ZMYM2: variants seen among roughly 807,000 people sequenced by gnomAD.
ZMYM2 encodes the protein zinc finger MYM-type containing 2, also known as zinc finger MYM-type protein 2.
Under a neutral mutation model 162.8 loss-of-function variants are expected in ZMYM2, and 56 were observed. The ratio of observed to expected loss-of-function variants is 0.34; its 90% CI spans 0.28 to 0.43. The LOEUF (loss-of-function observed/expected upper bound fraction) is 0.43. Ranked by LOEUF, ZMYM2 falls within the 20% of genes least tolerant of loss-of-function variation. The pLI is 1.00. For missense variants in ZMYM2, 1,275 were observed against 1,621.8 expected (o/e 0.79, Z 3.67); for synonymous variants, 510 against 541.6 (o/e 0.94, Z 0.81).
chr13:20,020,871 T>C (rs1224864674), intron 7 of ZMYM2, among the ~76,000 whole-genome samples: 1 of 152,154 alleles, frequency 6.6e-6, no homozygotes. Context: ...CATTTGTCTC[T>C]TTTGTATCTT....
chr13:20,080,992 G>C (rs985345158), intron 21 of ZMYM2, among the ~76,000 whole-genome samples: 3 of 152,240 alleles, frequency 2.0e-5, no homozygotes, highest in Non-Finnish European at 4.4e-5. Context: ...GCATGGGCCA[G>C]ATATGGCTCC....
At chr13:19,978,269 A>G (rs1956967649) in intron 2 of ZMYM2, among the ~76,000 whole-genome samples, 1 of 152,228 alleles carries the variant, frequency 6.6e-6, no homozygotes. Context: ...GACTAAATTT[A>G]TAATAACATA....
At chr13:20,001,160 G>A (rs1387595767) in intron 3 of ZMYM2, among the ~76,000 whole-genome samples, 1 of 152,184 alleles carries the variant, frequency 6.6e-6, no homozygotes, top group East Asian at 1.9e-4. Context: ...GGGTGACTGA[G>A]GCAAATGGAT....
chr13:19,950,400 A>G, the ZMYM2 span, among the ~76,000 whole-genome samples: 1 of 152,232 alleles, frequency 6.6e-6, no homozygotes, highest in Non-Finnish European at 1.5e-5. Context: ...AGTTTGGCCT[A>G]AAAGTTTCCC....
intron 13 of ZMYM2, among the ~76,000 whole-genome samples, chr13:20,051,855 A>G (rs1323559): frequency 0.1 from 15,412 of 152,172 alleles, 1,284 homozygotes; most frequent in African/African-American, 0.22. Flanking sequence ...AAACAGTGCT[A>G]TAACACAAAT....
chr13:19,882,026 T>C, the ZMYM2 span, among the ~76,000 whole-genome samples: 2 of 150,578 alleles, frequency 1.3e-5, no homozygotes, highest in South Asian at 4.2e-4. Context: ...ACCAAAATTA[T>C]ATATACAAAA....
chr13:19,993,678 A>G lies in ZMYM2; in HGVS notation c.606A>G (p.Leu202=). The part of the protein sequence containing the change: ...TGVSSVNDGQ[L]ENTDGRDMNL... ...TAAGCTCTGTGAATGATGGCCAATT[A>G]GAAAATACTGACGGGCGAGATATGA... Residue 202 remains leucine, a synonymous_variant, in exon 3 of 25, where the codon TTA becomes TTG. Transcript: ENST00000610343. 6.2e-7 allele frequency: 1 copy of G among 1,614,052 alleles called. No homozygotes were observed. Among genetic ancestry groups the G allele is most frequent in the Non-Finnish European group, 8.5e-7 (1 of 1,179,900 alleles).
the ZMYM2 span, among the ~76,000 whole-genome samples, chr13:19,905,984 T>A: frequency 4.8e-4 from 72 of 151,558 alleles, 1 homozygote; most frequent in African/African-American, 1.5e-3. Flanking sequence ...TTTTTTAATA[T>A]AAAATAAATG....
the ZMYM2 span, among the ~76,000 whole-genome samples, chr13:19,870,918 C>T: frequency 4.6e-5 from 7 of 152,082 alleles, no homozygotes; most frequent in African/African-American, 1.7e-4. Context: ...TGAACCACTG[C>T]GCCTGGCCTT....
chr13:19,935,805 CAAAT>C, the ZMYM2 span, among the ~76,000 whole-genome samples: 1 of 152,042 alleles, frequency 6.6e-6, no homozygotes, highest in African/African-American at 2.4e-5. Context: ...GAAGGGTTAT[CAAAT>C]AAGCCACAAG....
chr13:19,941,328 A>C, the ZMYM2 span, among the ~76,000 whole-genome samples: 5,312 of 151,948 alleles, frequency 0.035, 307 homozygotes, highest in African/African-American at 0.12. Flanking sequence ...AAAACAAAAA[A>C]AAAAAAGAAA....
intron 21 of ZMYM2, 31 bp downstream of exon 21, chr13:20,067,421 A>T (rs1956763114): frequency 6.4e-7 from 1 of 1,551,458 alleles, no homozygotes; most frequent in African/African-American, 1.4e-5. Flanking sequence ...TTTCAAGTAT[A>T]ACATTAATAA....
chr13:19,916,231 T>C, the ZMYM2 span, among the ~76,000 whole-genome samples: 1 of 151,990 alleles, frequency 6.6e-6, no homozygotes, highest in African/African-American at 2.4e-5. Context: ...GGAGAGGATG[T>C]GGAGAAATAG....
At chr13:19,886,887 C>T in the ZMYM2 span, among the ~76,000 whole-genome samples, 1 of 151,510 alleles carries the variant, frequency 6.6e-6, no homozygotes, top group East Asian at 2.0e-4. Flanking sequence ...GTCTCGGACT[C>T]TTGGCCTCAT....
chr13:19,890,323 C>G, the ZMYM2 span, among the ~76,000 whole-genome samples: 1 of 151,332 alleles, frequency 6.6e-6, no homozygotes, highest in Non-Finnish European at 1.5e-5. Flanking sequence ...ACCACCACGC[C>G]TGGCTAACTT....
At chr13:19,955,244 A>G (rs1399271456), upstream of ZMYM2, among the ~76,000 whole-genome samples, 1 of 151,990 alleles carries the variant, frequency 6.6e-6, no homozygotes, top group Non-Finnish European at 1.5e-5. Context: ...TTTTTTTCTA[A>G]TATTTCATTG....
chr13:20,065,972 T>C (rs1396396707), intron 19 of ZMYM2, among the ~76,000 whole-genome samples: 1 of 152,230 alleles, frequency 6.6e-6, no homozygotes, highest in Admixed American at 6.5e-5. Flanking sequence ...GTTACAGTAA[T>C]ATTTAGATTA....
chr13:19,863,914 G>C, the ZMYM2 span: 1 of 74,272 alleles, frequency 1.3e-5, no homozygotes, highest in Non-Finnish European at 4.1e-5. Flanking sequence ...CCCAGCTACC[G>C]GGTCCGCCAG....
intron 17 of ZMYM2, among the ~76,000 whole-genome samples, chr13:20,061,794 G>T (rs1230524669): frequency 6.6e-6 from 1 of 152,008 alleles, no homozygotes; most frequent in Non-Finnish European, 1.5e-5. Context: ...TCCCTATGTT[G>T]GCCAGGCTGA....
Sources: gnomAD v4.1 joint callset for allele counts (sites outside exome capture counted in the v4.1 genomes callset) on GRCh38, gnomAD v4.1.1 for gene constraint, MANE v1.5 for transcripts, NCBI Gene and HGNC (gene_info 2026-07-23, HGNC 2026-07-21) for gene names.